NRXN1: variants seen among roughly 807,000 people sequenced by gnomAD.
NRXN1 encodes the protein neurexin 1, also known as neurexin-1.
In NRXN1, 39 loss-of-function variants were observed where a neutral mutation model predicts 150.9. The observed-to-expected ratio is 0.26, with a 90% CI of 0.20 to 0.34. The LOEUF is 0.34. Among genes scored for constraint, NRXN1 ranks in the 10% least tolerant of loss-of-function variants. The pLI is 1.00. For missense variants in NRXN1, 1,815 were observed against 1,949.9 expected, an observed-to-expected ratio of 0.93 and a Z score of 1.30; for synonymous variants, 924 against 757.0, an observed-to-expected ratio of 1.22 and a Z score of -3.62.
At chr2:50,833,618 G>A (rs189526372) in intron 5 of NRXN1, among the ~76,000 whole-genome samples, 1 of 152,202 alleles carries the variant, frequency 6.6e-6, no homozygotes, top group East Asian at 1.9e-4. Context: ...ACAGAGAAAT[G>A]GTCAGTGGAT....
intron 22 of NRXN1, among the ~76,000 whole-genome samples, chr2:49,932,722 T>C (rs1353028120): frequency 7.9e-5 from 12 of 152,226 alleles, no homozygotes; most frequent in Admixed American, 7.9e-4. Context: ...GTAACATCTA[T>C]ATTTTGTTTC....
chr2:50,737,522 G>A (rs148514660), intron 5 of NRXN1, among the ~76,000 whole-genome samples: 1 of 152,270 alleles, frequency 6.6e-6, no homozygotes, highest in Non-Finnish European at 1.5e-5. Context: ...GCTGGGATGT[G>A]AACCCAGGTT....
At chr2:49,936,982 C>T (rs1671154245) in intron 22 of NRXN1, among the ~76,000 whole-genome samples, 1 of 152,110 alleles carries the variant, frequency 6.6e-6, no homozygotes, top group Non-Finnish European at 1.5e-5. Flanking sequence ...CCTCTGGGCC[C>T]CTGGCCTTCC....
chr2:50,252,233 C>CTTTTTTTTTTTTTTTTTTTTTTTTTTTT (rs55993018), intron 17 of NRXN1, among the ~76,000 whole-genome samples: 1 of 94,918 alleles, frequency 1.1e-5, no homozygotes, highest in African/African-American at 4.2e-5. Flanking sequence ...ACATTTTGTC[C>CTTTTTTTTTTTTTTTTTTTTTTTTTTTT]TTTTTTTTTT....
At chr2:50,398,811 A>G (rs923464149) in intron 17 of NRXN1, among the ~76,000 whole-genome samples, 1 of 152,122 alleles carries the variant, frequency 6.6e-6, no homozygotes, top group African/African-American at 2.4e-5. Flanking sequence ...CACTATATCT[A>G]GCTTGGTAGT....
At position 50,896,444 on chromosome 2, in the gene NRXN1, G is replaced by A. The variant is rs956151927; in HGVS notation, c.832+25425C>T. ...ACAATCATTAAACTTTAAGTAATTC[G>A]TGTATATATTAGAAAATGGTGTGTG... On this transcript the variant is annotated intron_variant, in intron 5 of 22. Transcript: ENST00000401669. 3.9e-5 allele frequency among the ~76,000 whole-genome samples: 6 copies of A among 152,124 alleles called. No individual in the cohort carries two copies. In the East Asian group the frequency reaches 5.8e-4, roughly 15 times the overall value.
At chr2:50,622,446 G>A (rs941136212) in intron 6 of NRXN1, among the ~76,000 whole-genome samples, 16 of 151,992 alleles carry the variant, frequency 1.1e-4, no homozygotes, top group South Asian at 2.1e-4. Context: ...CAGCATGTAC[G>A]GCAATAAAAT....
intron 2 of NRXN1, among the ~76,000 whole-genome samples, chr2:51,011,325 C>G (rs552497521): frequency 6.6e-6 from 1 of 151,958 alleles, no homozygotes; most frequent in East Asian, 1.9e-4. Context: ...GTAGCTCTTA[C>G]GTATATAAAA....
At chr2:50,607,053 T>A (rs1180439325) in intron 8 of NRXN1, among the ~76,000 whole-genome samples, 1 of 152,158 alleles carries the variant, frequency 6.6e-6, no homozygotes, top group Non-Finnish European at 1.5e-5. Context: ...TTAGTTTGAA[T>A]ATATATTTTG....
rs138464011 is a variant in NRXN1, at chr2:50,113,669, G to A, written c.3547-22175C>T. ...GGAAAATGTATGTTCAATTCTAGAG[G>A]AGGAATATTTTGGCTATCCTTTTGT... On this transcript the variant is annotated intron_variant, in intron 18 of 22. Transcript: ENST00000401669. 5.9e-5 allele frequency among the ~76,000 whole-genome samples: 9 copies of A among 152,238 alleles called. No individual in the cohort carries two copies. In the East Asian group the frequency reaches 1.5e-3, roughly 26 times the overall value.
intron 17 of NRXN1, among the ~76,000 whole-genome samples, chr2:50,382,694 G>C (rs1031018842): frequency 2.0e-5 from 3 of 152,186 alleles, no homozygotes; most frequent in South Asian, 2.1e-4. Context: ...AAGTTCAGCT[G>C]TATACGTATC....
chr2:50,099,556 C>T (rs912398499), intron 18 of NRXN1, among the ~76,000 whole-genome samples: 52 of 152,084 alleles, frequency 3.4e-4, no homozygotes, highest in Admixed American at 9.2e-4. Flanking sequence ...TTAATGGCTA[C>T]ATAGTTCCTG....
chr2:50,315,295 C>G (rs1053880109), intron 17 of NRXN1, among the ~76,000 whole-genome samples: 5 of 152,014 alleles, frequency 3.3e-5, no homozygotes, highest in Non-Finnish European at 7.4e-5. Flanking sequence ...TTAAAAGTTA[C>G]TGAACTGCAA....
At chr2:50,505,813 A>C (rs1369278309) in intron 13 of NRXN1, among the ~76,000 whole-genome samples, 3 of 152,152 alleles carry the variant, frequency 2.0e-5, no homozygotes, top group Non-Finnish European at 4.4e-5. Context: ...TAACATGGCT[A>C]TCTCTCTGAA....
intron 17 of NRXN1, among the ~76,000 whole-genome samples, chr2:50,278,253 T>C (rs1383497304): frequency 8.7e-6 from 1 of 115,138 alleles, no homozygotes; most frequent in African/African-American, 3.5e-5. Flanking sequence ...TATATATATA[T>C]ATTATATATA....
At chr2:50,742,091 A>G (rs1180093396) in intron 5 of NRXN1, among the ~76,000 whole-genome samples, 2 of 152,184 alleles carry the variant, frequency 1.3e-5, no homozygotes, top group Admixed American at 6.5e-5. Context: ...TATTCAATCA[A>G]TCACTTTAAA....
At chr2:50,210,763 T>C (rs1381520947) in intron 18 of NRXN1, among the ~76,000 whole-genome samples, 1 of 151,616 alleles carries the variant, frequency 6.6e-6, no homozygotes. Context: ...ATGTACTAGT[T>C]ATGAAATTGA....
intron 5 of NRXN1, among the ~76,000 whole-genome samples, chr2:50,817,582 G>A (rs927693056): frequency 1.3e-5 from 2 of 152,038 alleles, no homozygotes; most frequent in Non-Finnish European, 2.9e-5. Flanking sequence ...AATATCCCTA[G>A]TGAACACAGA....
intron 5 of NRXN1, among the ~76,000 whole-genome samples, chr2:50,773,961 AT>A (rs1703307646): frequency 6.6e-6 from 1 of 152,118 alleles, no homozygotes; most frequent in Admixed American, 6.6e-5. Context: ...CACTGTCAGT[AT>A]CTAGGCTACC....
Sources: gnomAD v4.1 joint callset for allele counts (sites outside exome capture counted in the v4.1 genomes callset) on GRCh38, gnomAD v4.1.1 for gene constraint, MANE v1.5 for transcripts, NCBI Gene and HGNC (gene_info 2026-07-23, HGNC 2026-07-21) for gene names.